The following CEP131 variants were observed in gnomAD, a reference collection of about 807,000 sequenced individuals.
CEP131 encodes the protein centrosomal protein of 131 kDa.
In CEP131, 99 loss-of-function variants were observed where a neutral mutation model predicts 136.8. The observed-to-expected ratio is 0.72, with a 90% CI of 0.62 to 0.86. The LOEUF (loss-of-function observed/expected upper bound fraction) is 0.86, where lower values mean the gene tolerates loss of function less well. CEP131 is among the 40% of genes least tolerant of loss of function. The pLI, the probability that CEP131 is intolerant of heterozygous loss-of-function variation, is 0.00. For synonymous variants in CEP131, 646 were observed against 612.7 expected, an observed-to-expected ratio of 1.05 and a Z score of -0.80; for missense variants, 1,459 against 1,463.0, an observed-to-expected ratio of 1.00 and a Z score of 0.04.
In CEP131 at chr17:81,198,112, C is replaced by A; in HGVS notation, c.1470+3G>T. On this transcript the variant is annotated splice_donor_region_variant and intron_variant, in intron 12 of 25. Coordinates refer to ENST00000450824, the MANE Select transcript of CEP131 (RefSeq NM_014984.4). ...GTGCAGGGCGGGCGCACACCGTGGT[C>A]ACCTCGCTGGCCCAGGCGTATCTGC... 6.4e-7 allele frequency: 1 copy of A among 1,557,876 alleles called. No homozygotes were observed. The highest frequency in any genetic ancestry group is 1.2e-5 in the South Asian group (1 of 85,436).
intron 17 of CEP131, among the ~76,000 whole-genome samples, 179 bp downstream of exon 17, chr17:81,194,691 C>T (rs919612682): frequency 2.0e-5 from 3 of 151,516 alleles, no homozygotes; most frequent in Non-Finnish European, 2.9e-5. Flanking sequence ...ACCTGCCCCC[C>T]GGGTCACGGC....
rs866918392 is a variant in CEP131 at position 81,217,812 on chromosome 17, C to T, written c.177+2068G>A. On this transcript the variant is annotated intron_variant, in intron 2 of 25. Coordinates refer to ENST00000450824, the MANE Select transcript of CEP131 (RefSeq NM_014984.4). Reference sequence around the variant, plus strand: ...AGGAGGGATCGATATGAGTAGCGCTCGCTGTGGCTTTGAACCTCTACTCAG... The same window carrying T: ...AGGAGGGATCGATATGAGTAGCGCTTGCTGTGGCTTTGAACCTCTACTCAG... Among the ~76,000 whole-genome samples the T allele has an allele frequency of 6.2e-4, 95 of 152,288 alleles. 1 individual carries two copies. The Middle Eastern group carries it at 0.02, about 33-fold the overall frequency.
chr17:81,195,610 C>T (rs1264679273), intron 16 of CEP131, among the ~76,000 whole-genome samples: 1 of 152,206 alleles, frequency 6.6e-6, no homozygotes, highest in Non-Finnish European at 1.5e-5. Context: ...ACATCTGTGA[C>T]AGCAGGCCCA....
At position 81,199,710 on chromosome 17, in the gene CEP131, G is replaced by A. The variant is rs775669090; in HGVS notation, c.1023+9C>T. The A allele has an allele frequency of 2.9e-5, 47 of 1,607,470 alleles. No homozygotes were observed. Among genetic ancestry groups the A allele is most frequent in the Admixed American group, 2.7e-4 (16 of 60,024 alleles). ...CGGTGCTGCTCAGTGGTCCCTGCGC[G>A]GTCAGCACCTGAATGGCTGCTCGCC... On this transcript the variant is annotated intron_variant, in intron 9 of 25. Transcript: ENST00000450824.
At chr17:81,194,588 T>C (rs1022742974) in intron 17 of CEP131, among the ~76,000 whole-genome samples, 2 of 152,156 alleles carry the variant, frequency 1.3e-5, no homozygotes, top group African/African-American at 2.4e-5. Flanking sequence ...CAATCTCCCC[T>C]AGCCCAACCC....
intron 2 of CEP131, among the ~76,000 whole-genome samples, chr17:81,211,669 A>C (rs2062133948): frequency 6.6e-6 from 1 of 152,032 alleles, no homozygotes; most frequent in African/African-American, 2.4e-5. Flanking sequence ...GTGGTGGCTC[A>C]TGCCTATAAT....
At chr17:81,218,013 C>T (rs2062291535) in intron 2 of CEP131, among the ~76,000 whole-genome samples, 1 of 151,848 alleles carries the variant, frequency 6.6e-6, no homozygotes, top group African/African-American at 2.4e-5. Flanking sequence ...CTCCCTCTCC[C>T]TCTCCCTCCC....
intron 16 of CEP131, among the ~76,000 whole-genome samples, chr17:81,195,626 C>T (rs1020461253): frequency 6.6e-6 from 1 of 152,196 alleles, no homozygotes; most frequent in African/African-American, 2.4e-5. Flanking sequence ...GCCCACGGCC[C>T]CGCCCCAGAG....
chr17:81,207,885 A>G (rs2062041346), intron 3 of CEP131, among the ~76,000 whole-genome samples: 1 of 2,326 alleles, frequency 4.3e-4, no homozygotes, highest in Non-Finnish European at 1.1e-3. Context: ...CACCAAACAC[A>G]CCACACACAC....
At chr17:81,190,508 T>C in intron 24 of CEP131, 131 bp downstream of exon 24, 2 of 1,200,218 alleles carry the variant, frequency 1.7e-6, no homozygotes, top group Non-Finnish European at 1.1e-6. Context: ...CACCAGCCTC[T>C]GTCTACAGGG....
chr17:81,216,833 C>T (rs183563682), intron 2 of CEP131, among the ~76,000 whole-genome samples: 101 of 152,336 alleles, frequency 6.6e-4, no homozygotes, highest in South Asian at 8.3e-4. Flanking sequence ...ATTATGGGTG[C>T]CCTTCATCCT....
At chr17:81,217,366 C>T (rs1423426137) in intron 2 of CEP131, among the ~76,000 whole-genome samples, 1 of 152,038 alleles carries the variant, frequency 6.6e-6, no homozygotes, top group East Asian at 1.9e-4. Context: ...CCAATGGCCA[C>T]CGAGAAGGTC....
At chr17:81,218,204 G>A (rs1015834021) in intron 2 of CEP131, among the ~76,000 whole-genome samples, 7 of 152,138 alleles carry the variant, frequency 4.6e-5, no homozygotes, top group South Asian at 2.1e-4. Context: ...CACCACGCCC[G>A]GCTAATTTTT....
Position 81,198,095 on chromosome 17 carries a change from C to T in CEP131, c.1470+20G>A, listed in dbSNP as rs769355925. The stretch of plus-strand genomic sequence containing the variant: ...GCGTGGGTGGACAGACTGTGCAGGG[C>T]GGGCGCACACCGTGGTCACCTCGCT... On this transcript the variant is annotated intron_variant, in intron 12 of 25. Coordinates refer to ENST00000450824, the MANE Select transcript of CEP131 (RefSeq NM_014984.4). 1.2e-5 allele frequency: 18 copies of T among 1,541,294 alleles called. No individual in the cohort carries two copies. Among genetic ancestry groups the T allele is most frequent in the African/African-American group, 5.4e-5 (4 of 73,482 alleles).
chr17:81,195,208 C>T (rs1026846288), intron 16 of CEP131, among the ~76,000 whole-genome samples: 1 of 152,218 alleles, frequency 6.6e-6, no homozygotes. Context: ...GGGAGGGCAG[C>T]CATCAGCCTG....
intron 18 of CEP131, among the ~76,000 whole-genome samples, chr17:81,193,315 T>C (rs867395): frequency 0.55 from 83,866 of 151,900 alleles, 24,893 homozygotes; most frequent in African/African-American, 0.78. Context: ...GAGGAGAGAC[T>C]GGGGGACCAG....
In CEP131 at chr17:81,190,736, G is replaced by A. The variant is rs757286425; in HGVS notation, c.3010C>T (p.Arg1004Trp). 30 of 1,611,538 alleles carry A rather than the reference G, an allele frequency of 1.9e-5. No individual in the cohort carries two copies. Among genetic ancestry groups the A allele is most frequent in the South Asian group, 7.7e-5 (7 of 90,944 alleles). ...AQVIRQEFEDRLAASEEETRQ... is the reference protein window; with the variant it reads ...AQVIRQEFEDWLAASEEETRQ... The stretch of plus-strand genomic sequence containing the variant: ...GTCTCCTCCTCAGAGGCTGCCAGCC[G>A]GTCCTCGAACTCCTGGCGGATCACC... The change falls in exon 24 of 26, where the codon CGG (arginine) becomes TGG (tryptophan). Residue 1004 changes from arginine to tryptophan, a missense_variant. Transcript: ENST00000450824.
Position 81,203,462 on chromosome 17 carries a change from C to A in CEP131, c.629+32G>T. 6.5e-7 allele frequency: 1 copy of A among 1,544,110 alleles called. No individual in the cohort carries two copies. ...ACATGCCCTAACTGAGGTCGGACCC[C>A]GCAGCCCCGCGGCCTCCCCAGAAGA... On this transcript the variant is annotated intron_variant, in intron 6 of 25. Coordinates refer to ENST00000450824, the MANE Select transcript of CEP131 (RefSeq NM_014984.4). The surrounding 1 kb of genome is among the most constrained non-coding windows in gnomAD (Gnocchi z 4.6).
rs1045304665 is a variant in CEP131 at position 81,219,708 on chromosome 17, C to A, written c.177+172G>T. On this transcript the variant is annotated intron_variant, in intron 2 of 25. Transcript: ENST00000450824. This position sits in a 1 kb window ranked among gnomAD's most constrained non-coding sequence, Gnocchi z 4.0. ...GCTTGACTTTCTAGTGATTCAGCACCCACGCCTGTAAGACTCAAGTCCTAC... is the reference window on the plus strand; with the variant it reads ...GCTTGACTTTCTAGTGATTCAGCACACACGCCTGTAAGACTCAAGTCCTAC... Among the ~76,000 whole-genome samples, 16 of 152,160 alleles carry A rather than the reference C, an allele frequency of 1.1e-4. No individual in the cohort carries two copies. The highest frequency in any genetic ancestry group is 3.6e-4 in the African/African-American group (15 of 41,434).
Sources: allele counts gnomAD v4.1 joint callset (sites outside exome capture counted in the v4.1 genomes callset), GRCh38; gene constraint gnomAD v4.1.1; non-coding constraint Gnocchi (gnomAD v3.1); transcripts MANE v1.5; gene names NCBI Gene and HGNC (gene_info 2026-07-23, HGNC 2026-07-21).